Variants in TNS3 observed in about 807,000 individuals in gnomAD.
TNS3 encodes the protein tensin 3.
A neutral mutation model predicts 140.9 loss-of-function variants in TNS3; 45 were observed. The observed-to-expected ratio is 0.32, with a 90% CI of 0.25 to 0.41. The LOEUF (loss-of-function observed/expected upper bound fraction) is 0.41, where lower values mean the gene tolerates loss of function less well. Ranked by LOEUF, TNS3 falls within the 10% of genes least tolerant of loss-of-function variation. The pLI, the probability that TNS3 is intolerant of heterozygous loss-of-function variation, is 1.00. For synonymous variants in TNS3, 815 were observed against 788.4 expected, an observed-to-expected ratio of 1.03 and a Z score of -0.56; for missense variants, 1,716 against 1,906.7, an observed-to-expected ratio of 0.90 and a Z score of 1.86.
intron 20 of TNS3, among the ~76,000 whole-genome samples, chr7:47,321,462 T>C (rs935827903): frequency 6.6e-6 from 1 of 152,212 alleles, no homozygotes; most frequent in Admixed American, 6.5e-5. Flanking sequence ...CCAGCACTAC[T>C]GAAATGCCAG....
In TNS3 at chr7:47,505,725, G is replaced by C. The variant is rs551251644; in HGVS notation, c.-115+1182C>G. 4.0e-5 allele frequency among the ~76,000 whole-genome samples: 6 copies of C among 151,100 alleles called. 1 individual carries two copies. In the South Asian group the frequency reaches 1.3e-3, roughly 32 times the overall value. ...GTCTAGTTCTTCCAACTTTGTGTGTGTGTGTGTGTGTGTGTATTTCTGTGC... is the reference window on the plus strand; with the variant it reads ...GTCTAGTTCTTCCAACTTTGTGTGTCTGTGTGTGTGTGTGTATTTCTGTGC... On this transcript the variant is annotated intron_variant, in intron 3 of 30. Coordinates refer to ENST00000311160, the MANE Select transcript of TNS3 (RefSeq NM_022748.12).
chr7:47,302,221 T>A lies in TNS3; in HGVS notation c.3509A>T (p.Lys1170Met), dbSNP rs777648705. The stretch of plus-strand genomic sequence containing the variant: ...TGAAATATCCGCCTTGTACCAGAAC[T>A]TGGAAGTGTCTTGAACAAATTTCAC... ...VIVKFVQDTSKFWYKADISRE... is the reference protein window; with the variant it reads ...VIVKFVQDTSMFWYKADISRE... Residue 1170 changes from lysine (K) to methionine (M), a missense_variant, in exon 23 of 31, where the codon AAG becomes ATG. Coordinates refer to ENST00000311160, the MANE Select transcript of TNS3 (RefSeq NM_022748.12). The A allele has an allele frequency of 1.2e-5, 19 of 1,614,114 alleles. No individual in the cohort carries two copies. The highest frequency in any genetic ancestry group is 1.4e-5 in the Non-Finnish European group (17 of 1,180,034).
In TNS3 at chr7:47,551,653, T is replaced by C. The variant is rs1266893706; in HGVS notation, c.-264-22506A>G. On this transcript the variant is annotated intron_variant, in intron 1 of 30. Coordinates refer to ENST00000311160, the MANE Select transcript of TNS3 (RefSeq NM_022748.12). Reference sequence around the variant, plus strand: ...CATTCGCACTGCAGACCCTGCTCTTTCCACACCTGTGAATCTCAACTCAGT... The same window carrying C: ...CATTCGCACTGCAGACCCTGCTCTTCCCACACCTGTGAATCTCAACTCAGT... Among the ~76,000 whole-genome samples, 4 of 152,320 alleles carry C rather than the reference T, an allele frequency of 2.6e-5. No individual in the cohort carries two copies. In the South Asian group the frequency reaches 6.2e-4, roughly 24 times the overall value.
chr7:47,381,365 G>A lies in TNS3; in HGVS notation c.1025-11744C>T, dbSNP rs544598015. 9.1e-4 allele frequency among the ~76,000 whole-genome samples: 139 copies of A among 152,296 alleles called. 1 individual carries two copies. The highest frequency in any genetic ancestry group is 3.2e-3 in the African/African-American group (132 of 41,564). Reference sequence around the variant, plus strand: ...TTGTGTGGTTAGCCCAGACCTCCACGTTCTGTGTTCAGTGTAGCAGATCCT... The same window carrying A: ...TTGTGTGGTTAGCCCAGACCTCCACATTCTGTGTTCAGTGTAGCAGATCCT... On this transcript the variant is annotated intron_variant, in intron 16 of 30. Coordinates refer to ENST00000311160, the MANE Select transcript of TNS3 (RefSeq NM_022748.12).
chr7:47,370,408 C>T (rs7782601), intron 16 of TNS3, among the ~76,000 whole-genome samples: 2,081 of 152,328 alleles, frequency 0.014, 43 homozygotes, highest in African/African-American at 0.047. Context: ...CACGTAGGTG[C>T]CGGGTGAATG....
At chr7:47,509,451 G>A (rs1798530223) in intron 2 of TNS3, among the ~76,000 whole-genome samples, 3 of 152,230 alleles carry the variant, frequency 2.0e-5, no homozygotes, top group African/African-American at 7.2e-5. Context: ...ACCAGGCAGT[G>A]TACAAGATAC....
chr7:47,305,056 T>C, intron 20 of TNS3, 53 bp from the exon 21 acceptor site: 1 of 1,284,182 alleles, frequency 7.8e-7, no homozygotes, highest in Non-Finnish European at 1.0e-6. Context: ...ACTGGAGAAG[T>C]CATAATCTCT....
chr7:47,401,258 T>C (rs905498144), intron 13 of TNS3, among the ~76,000 whole-genome samples: 2 of 152,242 alleles, frequency 1.3e-5, no homozygotes, highest in African/African-American at 4.8e-5. Flanking sequence ...TGTGCCCTGT[T>C]TTGGAACACA....
chr7:47,303,890 G>A (rs1786582698), intron 21 of TNS3, among the ~76,000 whole-genome samples: 2 of 152,174 alleles, frequency 1.3e-5, no homozygotes, highest in African/African-American at 4.8e-5. Flanking sequence ...CTTCCCTCCT[G>A]CATCTTCACC....
At chr7:47,413,916 A>G in intron 12 of TNS3, 21 bp downstream of exon 12, 1 of 1,613,360 alleles carries the variant, frequency 6.2e-7, no homozygotes, top group Non-Finnish European at 8.5e-7. Flanking sequence ...CAACAGCAGC[A>G]GCAGCAGCAG....
intron 23 of TNS3, among the ~76,000 whole-genome samples, chr7:47,299,301 C>T (rs55898155): frequency 1.3e-5 from 2 of 151,970 alleles, no homozygotes; most frequent in Admixed American, 6.6e-5. Context: ...CCACACCCAG[C>T]TAATTTTTAA....
chr7:47,555,009 AG>A (rs1800158958), intron 1 of TNS3, among the ~76,000 whole-genome samples: 1 of 151,426 alleles, frequency 6.6e-6, no homozygotes, highest in African/African-American at 2.4e-5. Context: ...GCCTGGCAAC[AG>A]AGCGAGACTC....
At chr7:47,379,150 G>C (rs956619198) in intron 16 of TNS3, among the ~76,000 whole-genome samples, 1 of 152,128 alleles carries the variant, frequency 6.6e-6, no homozygotes, top group Non-Finnish European at 1.5e-5. Context: ...GGGGAGGTAC[G>C]GGTAGCCCGG....
intron 1 of TNS3, among the ~76,000 whole-genome samples, chr7:47,555,242 A>T (rs568639864): frequency 6.6e-6 from 1 of 151,220 alleles, no homozygotes; most frequent in South Asian, 2.1e-4. Flanking sequence ...CTCTACTAAA[A>T]ATACCAAAAC....
intron 2 of TNS3, among the ~76,000 whole-genome samples, chr7:47,524,828 A>AAAAAAAAAAC (rs1799131720): frequency 6.8e-6 from 1 of 147,514 alleles, no homozygotes. Context: ...AAAAAAAAAA[A>AAAAAAAAAAC]AAAAAAAAGG....
chr7:47,470,553 A>C, intron 4 of TNS3: 1 of 985,434 alleles, frequency 1.0e-6, no homozygotes, highest in Non-Finnish European at 1.2e-6. Flanking sequence ...TACTTCAGCC[A>C]AAGGTGCCTT....
chr7:47,560,127 C>G (rs1207116030), intron 1 of TNS3, among the ~76,000 whole-genome samples: 1 of 152,044 alleles, frequency 6.6e-6, no homozygotes, highest in African/African-American at 2.4e-5. Context: ...CCCCTACCCC[C>G]AATTCCTATG....
At chr7:47,465,627 A>G (rs1343462200) in intron 4 of TNS3, among the ~76,000 whole-genome samples, 1 of 152,142 alleles carries the variant, frequency 6.6e-6, no homozygotes, top group East Asian at 1.9e-4. Context: ...ATCTCAGTAC[A>G]TATCTTTAAA....
intron 4 of TNS3, among the ~76,000 whole-genome samples, chr7:47,460,212 CAAAA>C (rs10526565): frequency 0.013 from 1,520 of 114,750 alleles, 17 homozygotes; most frequent in African/African-American, 0.054. Context: ...GACTCTGTCC[CAAAA>C]AAAAAAAAAA....
Sources: allele counts gnomAD v4.1 joint callset (sites outside exome capture counted in the v4.1 genomes callset), GRCh38; gene constraint gnomAD v4.1.1; transcripts MANE v1.5; gene names NCBI Gene and HGNC (gene_info 2026-07-23, HGNC 2026-07-21).